TSPEAR: variants seen among roughly 807,000 people sequenced by gnomAD.
TSPEAR encodes thrombospondin type laminin G domain and EAR repeats.
In TSPEAR, 69 loss-of-function variants were observed where a neutral mutation model predicts 71.6. That is an observed-to-expected ratio of 0.96 (90% CI 0.79 to 1.18). The LOEUF (loss-of-function observed/expected upper bound fraction) is 1.18. TSPEAR is among the 50% of genes most tolerant of loss of function. The pLI is 0.00. For missense variants in TSPEAR, 971 were observed against 894.9 expected (o/e 1.09, Z -1.09); for synonymous variants, 402 against 387.2 (o/e 1.04, Z -0.45).
At chr21:44,674,095 A>T (rs1448790885) in intron 1 of TSPEAR, among the ~76,000 whole-genome samples, 1 of 148,848 alleles carries the variant, frequency 6.7e-6, no homozygotes, top group African/African-American at 2.5e-5. Flanking sequence ...GGCCAGTCTG[A>T]GCAACACAGT....
At chr21:44,518,901 CAT>C (rs1272857748) in intron 9 of TSPEAR, 3 of 305,664 alleles carry the variant, frequency 9.8e-6, no homozygotes, top group Non-Finnish European at 2.0e-5. Flanking sequence ...CCTGATGACA[CAT>C]GACTGGTGTG....
In TSPEAR at chr21:44,711,447, C is replaced by CAACA. The variant is rs1569274296; in HGVS notation, c.67_68insTGTT (p.Trp23LeufsTer21). The CAACA allele has an allele frequency of 6.2e-7, 1 of 1,607,916 alleles. No homozygotes were observed. The highest frequency in any genetic ancestry group is 2.2e-5 in the East Asian group (1 of 44,586). ...CCCTGCCTTACCTGTGCAGGGCTCC[C>CAACA]AACCCTGCGTGCCGTGGCCGGGGGC... On this transcript the variant is annotated frameshift_variant, in exon 1 of 12. Coordinates refer to ENST00000323084, the MANE Select transcript of TSPEAR (RefSeq NM_144991.3). LOFTEE classifies it high-confidence loss of function. This position sits in a 1 kb window ranked among gnomAD's most constrained non-coding sequence, Gnocchi z 4.5.
chr21:44,526,551 C>T (rs771339142), intron 7 of TSPEAR, among the ~76,000 whole-genome samples: 1 of 152,028 alleles, frequency 6.6e-6, no homozygotes, highest in Non-Finnish European at 1.5e-5. Context: ...ATGCAGCCTG[C>T]ATGAGGGTGG....
chr21:44,610,160 C>T (rs763649868), intron 1 of TSPEAR, among the ~76,000 whole-genome samples: 6 of 152,162 alleles, frequency 3.9e-5, no homozygotes, highest in Non-Finnish European at 7.3e-5. Flanking sequence ...AAGAAAAACC[C>T]ATTTTCTAGG....
rs1163373301 is a variant in TSPEAR at position 44,546,508 on chromosome 21, G to A, written c.304-12585C>T. 1.3e-5 allele frequency among the ~76,000 whole-genome samples: 2 copies of A among 152,150 alleles called. No individual in the cohort carries two copies. Among genetic ancestry groups the A allele is most frequent in the Admixed American group, 1.3e-4 (2 of 15,278 alleles). On this transcript the variant is annotated intron_variant, in intron 2 of 11. Coordinates refer to ENST00000323084, the MANE Select transcript of TSPEAR (RefSeq NM_144991.3). This position sits in a 1 kb window ranked among gnomAD's most constrained non-coding sequence, Gnocchi z 4.4. ...CGCCACCAGGCCCGGCTAATTTTTTGTATTTTGATTGGAGTTTCACCATGT... is the reference window on the plus strand; with the variant it reads ...CGCCACCAGGCCCGGCTAATTTTTTATATTTTGATTGGAGTTTCACCATGT...
intron 1 of TSPEAR, among the ~76,000 whole-genome samples, chr21:44,701,709 A>G (rs1987654291): frequency 3.3e-5 from 5 of 150,780 alleles, no homozygotes; most frequent in African/African-American, 1.2e-4. Context: ...CAGGAGGCGG[A>G]GCTCGGGTGG....
intron 2 of TSPEAR, among the ~76,000 whole-genome samples, chr21:44,538,676 C>T (rs1170793672): frequency 2.0e-5 from 3 of 152,144 alleles, no homozygotes; most frequent in Non-Finnish European, 4.4e-5. Flanking sequence ...GGAAGGTGAC[C>T]CTGCAGTGTG....
intron 1 of TSPEAR, among the ~76,000 whole-genome samples, chr21:44,630,689 G>C (rs1331179575): frequency 6.6e-6 from 1 of 151,860 alleles, no homozygotes; most frequent in Non-Finnish European, 1.5e-5. Context: ...AAGTGAAGGG[G>C]AAGTGAAGGG....
chr21:44,526,388 G>C (rs903943590), intron 7 of TSPEAR, among the ~76,000 whole-genome samples: 4 of 152,070 alleles, frequency 2.6e-5, no homozygotes, highest in South Asian at 2.1e-4. Flanking sequence ...TTGCTTGGAT[G>C]ATGGAACAAA....
rs1555911968 is a variant in TSPEAR, at chr21:44,506,556, G to A, written c.1755-1675C>T. 6.6e-6 allele frequency among the ~76,000 whole-genome samples: 1 copy of A among 152,228 alleles called. No individual in the cohort carries two copies. The highest frequency in any genetic ancestry group is 1.9e-4 in the East Asian group (1 of 5,184). ...GACAGGCAGGGCGGGCAGAGCCCAT[G>A]GGGCCTTGGGCTCCTCACTCCTTCG... is the stretch of plus-strand genomic sequence containing the variant. On this transcript the variant is annotated intron_variant, in intron 10 of 11. Transcript: ENST00000323084. The surrounding 1 kb of genome is among the most constrained non-coding windows in gnomAD (Gnocchi z 4.2).
intron 1 of TSPEAR, among the ~76,000 whole-genome samples, chr21:44,594,886 G>A (rs1264549204): frequency 6.9e-6 from 1 of 144,840 alleles, no homozygotes; most frequent in Admixed American, 7.3e-5. Context: ...GCAGTGGTAC[G>A]ATCTCAGCTC....
At chr21:44,548,047 C>G (rs868916544) in intron 2 of TSPEAR, among the ~76,000 whole-genome samples, 1 of 152,336 alleles carries the variant, frequency 6.6e-6, no homozygotes, top group South Asian at 2.1e-4. Context: ...CTGGCTGATA[C>G]CTTTGGCCCC....
chr21:44,666,304 A>G lies in TSPEAR; in HGVS notation c.82+45129T>C, dbSNP rs1601545581. 3.8e-6 allele frequency: 4 copies of G among 1,058,978 alleles called. No homozygotes were observed. The African/African-American group carries it at 4.8e-5, about 13-fold the overall frequency. 65.6% of individuals were successfully genotyped at this position (1,058,978 alleles called of 1,614,324 possible). A position where few individuals can be genotyped will look rare whatever the true frequency, so the allele number is the denominator to read the frequency against. On this transcript the variant is annotated intron_variant, in intron 1 of 11. Transcript: ENST00000323084. The stretch of plus-strand genomic sequence containing the variant: ...CAAGGGCTCCAGATCATTCTGTCAC[A>G]TTCTCAATCCAGAATTCAGAGGGTT...
intron 1 of TSPEAR, among the ~76,000 whole-genome samples, chr21:44,656,952 C>T (rs191400861): frequency 6.6e-6 from 1 of 152,224 alleles, no homozygotes; most frequent in African/African-American, 2.4e-5. Context: ...TCCCAGACCC[C>T]CCCAGCATGG....
chr21:44,532,278 G>A (rs587619685), intron 3 of TSPEAR, among the ~76,000 whole-genome samples: 29 of 152,354 alleles, frequency 1.9e-4, no homozygotes, highest in African/African-American at 6.7e-4. Flanking sequence ...TTCTCCTGAT[G>A]AGGCAGGTGA....
intron 1 of TSPEAR, among the ~76,000 whole-genome samples, chr21:44,708,369 C>T (rs1988049400): frequency 6.6e-6 from 1 of 152,148 alleles, no homozygotes; most frequent in South Asian, 2.1e-4. Flanking sequence ...CAGGAGCGGA[C>T]TTGGAGACCT....
rs555240305 is a variant in TSPEAR, at chr21:44,710,079, C to G, written c.82+1354G>C. ...TACATGTCTGTGACTCATGCCCCCC[C>G]ACCCCCACTCCAGGGTGTGCTGAGG... On this transcript the variant is annotated intron_variant, in intron 1 of 11. Coordinates refer to ENST00000323084, the MANE Select transcript of TSPEAR (RefSeq NM_144991.3). This position sits in a 1 kb window ranked among gnomAD's most constrained non-coding sequence, Gnocchi z 4.6. Among the ~76,000 whole-genome samples the G allele has an allele frequency of 2.5e-4, 38 of 152,328 alleles. No individual in the cohort carries two copies. The highest frequency in any genetic ancestry group is 7.5e-4 in the African/African-American group (31 of 41,574).
rs782595270 is a variant in TSPEAR at position 44,593,849 on chromosome 21, C to T, written c.83-25844G>A. On this transcript the variant is annotated intron_variant, in intron 1 of 11. Transcript: ENST00000323084. This position sits in a 1 kb window ranked among gnomAD's most constrained non-coding sequence, Gnocchi z 5.9. ...GCGATGAGGATGAGCAAGGTTCAAA[C>T]GACTGCAGCTCATCCACCAGCAGAT... Among the ~76,000 whole-genome samples, 4 of 152,202 alleles carry T rather than the reference C, an allele frequency of 2.6e-5. No individual in the cohort carries two copies. The highest frequency in any genetic ancestry group is 4.4e-5 in the Non-Finnish European group (3 of 68,032).
At chr21:44,513,654 G>A (rs974202811) in intron 9 of TSPEAR, among the ~76,000 whole-genome samples, 2 of 152,212 alleles carry the variant, frequency 1.3e-5, no homozygotes, top group Admixed American at 6.5e-5. Context: ...CAGCTCCCTC[G>A]AGGGCGGGTG....
Sources: gnomAD v4.1 joint callset for allele counts (sites outside exome capture counted in the v4.1 genomes callset) on GRCh38, gnomAD v4.1.1 for gene constraint, Gnocchi (gnomAD v3.1) non-coding constraint, MANE v1.5 for transcripts, NCBI Gene and HGNC (gene_info 2026-07-23, HGNC 2026-07-21) for gene names.